SMARCA2: variants seen among roughly 807,000 people sequenced by gnomAD.
SMARCA2 encodes SWI/SNF-related matrix-associated actin-dependent regulator of chromatin subfamily A member 2.
A neutral mutation model predicts 199.8 loss-of-function variants in SMARCA2; 61 were observed. The observed-to-expected ratio is 0.31, with a 90% CI of 0.25 to 0.38. The LOEUF is 0.38. Ranked by LOEUF, SMARCA2 falls within the 10% of genes least tolerant of loss-of-function variation. The pLI, the probability that SMARCA2 is intolerant of heterozygous loss-of-function variation, is 1.00. For missense variants in SMARCA2, 1,344 were observed against 2,012.2 expected, an observed-to-expected ratio of 0.67 and a Z score of 6.35; for synonymous variants, 935 against 732.0, an observed-to-expected ratio of 1.28 and a Z score of -4.48.
In SMARCA2 at chr9:2,119,591, G is replaced by A; in HGVS notation, c.3762+56G>A. On this transcript the variant is annotated intron_variant, in intron 26 of 33. Transcript: ENST00000349721. This position sits in a 1 kb window ranked among gnomAD's most constrained non-coding sequence, Gnocchi z 4.6. ...GCTTTATACCTCTGCCCCTTTTTCT[G>A]TTAAGCAGAATGTCTGCAGCCTGCG... The A allele has an allele frequency of 8.1e-7, 1 of 1,231,578 alleles. No homozygotes were observed. Among genetic ancestry groups the A allele is most frequent in the Non-Finnish European group, 1.2e-6 (1 of 837,202 alleles). The allele number at this position is 1,231,578 out of a possible 1,614,324, so 76.3% of individuals were successfully genotyped here.
At chr9:2,065,326 A>AT (rs544570065) in intron 9 of SMARCA2, among the ~76,000 whole-genome samples, 3 of 152,280 alleles carry the variant, frequency 2.0e-5, no homozygotes, top group South Asian at 2.1e-4. Context: ...TATTTGTGAC[A>AT]TTTTTTGGAA....
chr9:2,157,754 A>T, intron 27 of SMARCA2: 1 of 392,868 alleles, frequency 2.5e-6, no homozygotes, highest in Middle Eastern at 6.4e-4. Flanking sequence ...CTGTTTACCT[A>T]TTCATAATCA....
chr9:2,029,134 G>T lies in SMARCA2; in HGVS notation c.112G>T (p.Gly38Cys), dbSNP rs768632343. Residue 38 changes from glycine to cysteine, a missense_variant, in exon 2 of 34, where the codon GGT (glycine) becomes TGT (cysteine). Around this residue, in one of 18 missense-constraint regions of SMARCA2, gnomAD observed 275 missense variants for 247.5 expected, o/e 1.11. Transcript: ENST00000349721. ...GPSPGPGPSP[G>C]SVHSMMGPSP... ...TAGTCCAGGACCAGGACCATCCCCA[G>T]GTTCCGTCCACAGCATGATGGGGCC... is the stretch of plus-strand genomic sequence containing the variant. The T allele has an allele frequency of 1.2e-6, 2 of 1,611,550 alleles. No individual in the cohort carries two copies. Among genetic ancestry groups the T allele is most frequent in the Non-Finnish European group, 1.7e-6 (2 of 1,178,806 alleles).
intron 26 of SMARCA2, among the ~76,000 whole-genome samples, chr9:2,122,997 C>T (rs975340256): frequency 2.0e-5 from 3 of 152,144 alleles, no homozygotes; most frequent in African/African-American, 7.2e-5. Context: ...TGAAAGGAAT[C>T]CATTTCACTT....
chr9:2,042,945 C>T (rs902956211), intron 4 of SMARCA2: 4 of 152,056 alleles, frequency 2.6e-5, no homozygotes, highest in Non-Finnish European at 4.4e-5. Context: ...GTCCCCACAT[C>T]TCAGGTTTCA....
rs778603688 is a variant in SMARCA2, at chr9:2,192,728, G to A, written c.4762G>A (p.Asp1588Asn). ...GGAACAGTCAGAAGGAAGTGGGACG[G>A]ATGATGAGTGATCAGTATGGACCTT... is the stretch of plus-strand genomic sequence containing the variant. Reference protein sequence around the residue: ...EREQSEGSGTDDE With the variant: ...EREQSEGSGTNDE Residue 1588 changes from aspartate (D) to asparagine (N), a missense_variant, in exon 34 of 34, where the codon GAT becomes AAT. Around this residue, in one of 18 missense-constraint regions of SMARCA2, gnomAD observed 155 missense variants for 121.1 expected, o/e 1.28. Coordinates refer to ENST00000349721, the MANE Select transcript of SMARCA2 (RefSeq NM_003070.5). The A allele has an allele frequency of 6.2e-7, 1 of 1,609,112 alleles. No individual in the cohort carries two copies. Among genetic ancestry groups the A allele is most frequent in the South Asian group, 1.1e-5 (1 of 90,976 alleles).
chr9:2,110,205 A>T lies in SMARCA2; in HGVS notation c.3293-49A>T, dbSNP rs1473840265. On this transcript the variant is annotated intron_variant, in intron 23 of 33. Transcript: ENST00000349721. The surrounding 1 kb of genome is among the most constrained non-coding windows in gnomAD (Gnocchi z 4.8). ...AAGCCTTTTTGTCTCATTCTGTGCCATTTTCAGACAAGAGTTAATTGGCAA... is the reference window on the plus strand; with the variant it reads ...AAGCCTTTTTGTCTCATTCTGTGCCTTTTTCAGACAAGAGTTAATTGGCAA... 1 of 1,497,532 alleles carries T rather than the reference A, an allele frequency of 6.7e-7. No homozygotes were observed. The highest frequency in any genetic ancestry group is 2.0e-5 in the Admixed American group (1 of 49,080). The allele number at this position is 1,497,532 out of a possible 1,614,324, so 92.8% of individuals were successfully genotyped here.
At chr9:2,058,786 A>C (rs1282884718) in intron 8 of SMARCA2, among the ~76,000 whole-genome samples, 1 of 152,194 alleles carries the variant, frequency 6.6e-6, no homozygotes, top group Non-Finnish European at 1.5e-5. Flanking sequence ...GAAGGATGGC[A>C]AATGCAGTTC....
Position 2,149,015 on chromosome 9 carries a change from C to T in SMARCA2, c.3982-12671C>T, listed in dbSNP as rs114290952. 8.0e-3 allele frequency among the ~76,000 whole-genome samples: 1,210 copies of T among 151,578 alleles called. 13 individuals carry two copies. The highest frequency in any genetic ancestry group is 0.028 in the African/African-American group (1,156 of 41,410). On this transcript the variant is annotated intron_variant, in intron 27 of 33. Coordinates refer to ENST00000349721, the MANE Select transcript of SMARCA2 (RefSeq NM_003070.5). Reference sequence around the variant, plus strand: ...AAAAGCTATGGAAGCCATGCAGGGCCAGAATATAGCTAAGTGTGTTTATTA... The same window carrying T: ...AAAAGCTATGGAAGCCATGCAGGGCTAGAATATAGCTAAGTGTGTTTATTA...
At chr9:2,149,635 C>T (rs1824953776) in intron 27 of SMARCA2, among the ~76,000 whole-genome samples, 1 of 151,508 alleles carries the variant, frequency 6.6e-6, no homozygotes, top group Admixed American at 6.6e-5. Context: ...TATCTCCCAC[C>T]GGGTCCTTCG....
intron 29 of SMARCA2, among the ~76,000 whole-genome samples, chr9:2,177,334 GAAGT>G (rs1409984786): frequency 3.9e-5 from 6 of 152,148 alleles, no homozygotes; most frequent in Admixed American, 2.0e-4. Context: ...TTTTCTAATT[GAAGT>G]AAGATAGTCA....
chr9:2,033,704 A>G (rs941701417), intron 3 of SMARCA2, among the ~76,000 whole-genome samples: 11 of 152,246 alleles, frequency 7.2e-5, no homozygotes, highest in Non-Finnish European at 1.5e-5. Flanking sequence ...CAGCAGGGCC[A>G]TGCTCTCTCT....
Position 2,169,915 on chromosome 9 carries a change from T to C in SMARCA2, c.4200-504T>C, listed in dbSNP as rs146505417. Among the ~76,000 whole-genome samples, 2 of 152,356 alleles carry C rather than the reference T, an allele frequency of 1.3e-5. No homozygotes were observed. Among genetic ancestry groups the C allele is most frequent in the Admixed American group, 6.5e-5 (1 of 15,314 alleles). Reference sequence around the variant, plus strand: ...GCTCTTGGAAGCAGAGCTGACTAGTTAGATGGTGTTCAGACCCAAATTGGC... The same window carrying C: ...GCTCTTGGAAGCAGAGCTGACTAGTCAGATGGTGTTCAGACCCAAATTGGC... On this transcript the variant is annotated intron_variant, in intron 28 of 33. Transcript: ENST00000349721. This position sits in a 1 kb window ranked among gnomAD's most constrained non-coding sequence, Gnocchi z 6.5.
At chr9:2,183,896 G>T (rs1827236627) in intron 31 of SMARCA2, among the ~76,000 whole-genome samples, 1 of 152,176 alleles carries the variant, frequency 6.6e-6, no homozygotes, top group African/African-American at 2.4e-5. Context: ...GCATTATTAT[G>T]ATATACATCC....
At chr9:2,133,012 A>G (rs1824031634) in intron 27 of SMARCA2, among the ~76,000 whole-genome samples, 1 of 152,154 alleles carries the variant, frequency 6.6e-6, no homozygotes, top group Non-Finnish European at 1.5e-5. Flanking sequence ...GTGAGAGGGA[A>G]TTGTTTTGAT....
chr9:2,017,307 G>A lies in SMARCA2; in HGVS notation c.-37+1903G>A, dbSNP rs1818397962. On this transcript the variant is annotated intron_variant, in intron 1 of 33. Coordinates refer to ENST00000349721, the MANE Select transcript of SMARCA2 (RefSeq NM_003070.5). The surrounding 1 kb of genome is among the most constrained non-coding windows in gnomAD (Gnocchi z 8.8). Reference sequence around the variant, plus strand: ...AAAGTTTGGCAGGGCGGCTAAGTAGGGTGGAGGGGTGGGAGGGGGCTGCGA... The same window carrying A: ...AAAGTTTGGCAGGGCGGCTAAGTAGAGTGGAGGGGTGGGAGGGGGCTGCGA... The A allele has an allele frequency of 6.6e-6, 1 of 152,336 alleles. No homozygotes were observed. The highest frequency in any genetic ancestry group is 1.5e-5 in the Non-Finnish European group (1 of 68,252). 9.4% of individuals were successfully genotyped at this position (152,336 alleles called of 1,614,324 possible).
chr9:2,081,702 C>T, intron 14 of SMARCA2, 130 bp from the exon 15 acceptor site: 1 of 698,154 alleles, frequency 1.4e-6, no homozygotes, highest in South Asian at 1.9e-5. Flanking sequence ...GTGCTTCCCC[C>T]ATTTTCCTAC....
intron 27 of SMARCA2, among the ~76,000 whole-genome samples, chr9:2,139,283 C>T (rs1016170024): frequency 1.3e-5 from 2 of 152,126 alleles, no homozygotes; most frequent in African/African-American, 4.8e-5. Flanking sequence ...TCAGTCTCCC[C>T]TAAGACTTGT....
At position 2,169,119 on chromosome 9, in the gene SMARCA2, G is replaced by C. The variant is rs1336760901; in HGVS notation, c.4200-1300G>C. Among the ~76,000 whole-genome samples the C allele has an allele frequency of 1.3e-5, 2 of 152,194 alleles. No individual in the cohort carries two copies. Among genetic ancestry groups the C allele is most frequent in the East Asian group, 3.9e-4 (2 of 5,184 alleles). ...TTCTGTGCCTTATTGCTGACACTCA[G>C]AGTCCCCTCAACCTGCTCCTAATTG... On this transcript the variant is annotated intron_variant, in intron 28 of 33. Coordinates refer to ENST00000349721, the MANE Select transcript of SMARCA2 (RefSeq NM_003070.5). The surrounding 1 kb of genome is among the most constrained non-coding windows in gnomAD (Gnocchi z 6.5).
Sources: allele counts gnomAD v4.1 joint callset (sites outside exome capture counted in the v4.1 genomes callset), GRCh38; gene constraint gnomAD v4.1.1; regional missense constraint gnomAD v4.1.1; non-coding constraint Gnocchi (gnomAD v3.1); transcripts MANE v1.5; gene names NCBI Gene and HGNC (gene_info 2026-07-23, HGNC 2026-07-21).